LTBP1: variants seen among roughly 807,000 people sequenced by gnomAD.
The protein encoded by LTBP1 is latent transforming growth factor beta binding protein 1.
Under a neutral mutation model 207.6 loss-of-function variants are expected in LTBP1, and 129 were observed. That is an observed-to-expected ratio of 0.62 (90% CI 0.54 to 0.72). The LOEUF (loss-of-function observed/expected upper bound fraction) is 0.72, where lower values mean the gene tolerates loss of function less well. Among genes scored for constraint, LTBP1 ranks in the 30% least tolerant of loss-of-function variants. The probability of loss-of-function intolerance (pLI) is 0.00; values close to 1 mark genes in which losing one functional copy is unlikely to be tolerated. For synonymous variants in LTBP1, 963 were observed against 833.7 expected, an observed-to-expected ratio of 1.16 and a Z score of -2.67; for missense variants, 2,281 against 2,217.2, an observed-to-expected ratio of 1.03 and a Z score of -0.58.
intron 3 of LTBP1, among the ~76,000 whole-genome samples, chr2:33,023,924 A>C (rs1255459666): frequency 6.6e-6 from 1 of 152,234 alleles, no homozygotes; most frequent in East Asian, 1.9e-4. Context: ...TGCCTATTTT[A>C]GGATATTTCA....
At chr2:33,279,721 A>G (rs1005548932) in intron 18 of LTBP1, among the ~76,000 whole-genome samples, 1 of 152,158 alleles carries the variant, frequency 6.6e-6, no homozygotes, top group Non-Finnish European at 1.5e-5. Flanking sequence ...CTGTGCTATT[A>G]CTTGAAAGGT....
intron 5 of LTBP1, among the ~76,000 whole-genome samples, chr2:33,141,998 A>G (rs960388192): frequency 6.6e-6 from 1 of 152,204 alleles, no homozygotes; most frequent in East Asian, 1.9e-4. Flanking sequence ...ATTTATAATA[A>G]AAAGTAAAGG....
At chr2:33,101,725 A>G (rs927060607) in intron 3 of LTBP1, among the ~76,000 whole-genome samples, 1 of 152,188 alleles carries the variant, frequency 6.6e-6, no homozygotes, top group Admixed American at 6.5e-5. Context: ...GTTTAGATAA[A>G]TAGGAGATGG....
Position 33,089,231 on chromosome 2 carries a change from A to AT in LTBP1, c.864-21345dup, listed in dbSNP as rs563684563. Among the ~76,000 whole-genome samples, 257 of 152,158 alleles carry AT rather than the reference A, an allele frequency of 1.7e-3. 2 individuals carry two copies. The highest frequency in any genetic ancestry group is 3.1e-3 in the Non-Finnish European group (210 of 67,990). On this transcript the variant is annotated intron_variant, in intron 3 of 33. Transcript: ENST00000404816. ...GTATGACAAAGTGGGAAAAGCTTGG[A>AT]TTTTTTCATAGTGGGGACAAAATAT...
At chr2:33,173,749 A>G (rs1415684515) in intron 5 of LTBP1, among the ~76,000 whole-genome samples, 1 of 145,838 alleles carries the variant, frequency 6.9e-6, no homozygotes, top group African/African-American at 2.5e-5. Flanking sequence ...TGATGCAAAA[A>G]TCCTCAATAA....
At chr2:33,037,454 C>A (rs1411638850) in intron 3 of LTBP1, among the ~76,000 whole-genome samples, 1 of 152,102 alleles carries the variant, frequency 6.6e-6, no homozygotes, top group African/African-American at 2.4e-5. Context: ...ATTTTTTAAT[C>A]TCTGAAAGTT....
At chr2:33,353,862 T>A (rs867776850) in intron 26 of LTBP1, among the ~76,000 whole-genome samples, 8,457 of 144,398 alleles carry the variant, frequency 0.059, 694 homozygotes, top group African/African-American at 0.2. Flanking sequence ...ATGTACGCCT[T>A]TTTTTTTTTT....
At chr2:33,051,522 T>C (rs1217266939) in intron 3 of LTBP1, among the ~76,000 whole-genome samples, 1 of 152,180 alleles carries the variant, frequency 6.6e-6, no homozygotes, top group Non-Finnish European at 1.5e-5. Context: ...GCCCCCTTCA[T>C]TCTGACTGTG....
At chr2:33,073,024 C>T (rs1016733987) in intron 3 of LTBP1, among the ~76,000 whole-genome samples, 3 of 152,282 alleles carry the variant, frequency 2.0e-5, no homozygotes, top group South Asian at 2.1e-4. Context: ...TCCACAGAGC[C>T]GGGCAACGTG....
intron 3 of LTBP1, among the ~76,000 whole-genome samples, chr2:33,085,673 T>G (rs1435058625): frequency 6.6e-6 from 1 of 152,202 alleles, no homozygotes; most frequent in Non-Finnish European, 1.5e-5. Flanking sequence ...ATTTAGAGTA[T>G]TGAAGTCACT....
chr2:33,167,476 C>T (rs1047665098), intron 5 of LTBP1, among the ~76,000 whole-genome samples: 10 of 152,082 alleles, frequency 6.6e-5, no homozygotes, highest in African/African-American at 1.9e-4. Flanking sequence ...TTCTTTCTTT[C>T]TGGAACTCAT....
intron 10 of LTBP1, among the ~76,000 whole-genome samples, chr2:33,244,212 T>C (rs2092432449): frequency 6.6e-6 from 1 of 152,146 alleles, no homozygotes; most frequent in Admixed American, 6.5e-5. Context: ...AAATTCTGAG[T>C]CACTGGACTC....
At chr2:33,199,844 G>C (rs1040228759) in intron 7 of LTBP1, among the ~76,000 whole-genome samples, 4 of 152,036 alleles carry the variant, frequency 2.6e-5, no homozygotes, top group African/African-American at 9.7e-5. Flanking sequence ...GACAAACAGA[G>C]AGCCAAATCA....
intron 9 of LTBP1, among the ~76,000 whole-genome samples, chr2:33,228,817 G>A (rs5026151): frequency 0.71 from 106,015 of 150,032 alleles, 37,862 homozygotes; most frequent in Middle Eastern, 0.79. Context: ...CCCCTGCCTC[G>A]GCCTCCCAAG....
At chr2:33,155,764 T>A (rs1399514706) in intron 5 of LTBP1, among the ~76,000 whole-genome samples, 1 of 152,244 alleles carries the variant, frequency 6.6e-6, no homozygotes, top group Non-Finnish European at 1.5e-5. Flanking sequence ...TTTATTTCTT[T>A]TTAGGCCATA....
At chr2:33,103,633 T>TGTGTGTGAG (rs780868356) in intron 3 of LTBP1, among the ~76,000 whole-genome samples, 1 of 122,950 alleles carries the variant, frequency 8.1e-6, no homozygotes, top group Non-Finnish European at 1.8e-5. Flanking sequence ...GTGTGAGTGT[T>TGTGTGTGAG]ATGCTGCCAT....
intron 24 of LTBP1, among the ~76,000 whole-genome samples, chr2:33,341,138 A>G (rs955110441): frequency 5.3e-5 from 8 of 152,164 alleles, no homozygotes; most frequent in African/African-American, 1.9e-4. Context: ...AGAGCAGAGT[A>G]CCAGGCGTGG....
intron 3 of LTBP1, among the ~76,000 whole-genome samples, chr2:33,092,192 C>T (rs1487606123): frequency 1.4e-5 from 2 of 144,948 alleles, no homozygotes; most frequent in African/African-American, 4.9e-5. Context: ...CACACACACA[C>T]ACGCGCACAC....
intron 2 of LTBP1, among the ~76,000 whole-genome samples, chr2:32,961,945 CAAA>C: frequency 1.0e-5 from 1 of 98,416 alleles, no homozygotes; most frequent in East Asian, 2.8e-4. Flanking sequence ...AACTCCGTCT[CAAA>C]AAAAAAAAAA....
Sources: allele counts gnomAD v4.1 joint callset (sites outside exome capture counted in the v4.1 genomes callset), GRCh38; gene constraint gnomAD v4.1.1; transcripts MANE v1.5; gene names NCBI Gene and HGNC (gene_info 2026-07-23, HGNC 2026-07-21).